The following ECE1 variants were observed in gnomAD, a reference collection of about 807,000 sequenced individuals.
The protein encoded by ECE1 is endothelin-converting enzyme 1.
Under a neutral mutation model 98.6 loss-of-function variants are expected in ECE1, and 35 were observed. The observed-to-expected ratio is 0.35, with a 90% CI of 0.27 to 0.47. The LOEUF is 0.47. ECE1 is among the 20% of genes least tolerant of loss of function. The probability of loss-of-function intolerance (pLI) is 1.00; values close to 1 mark genes in which losing one functional copy is unlikely to be tolerated. For missense variants in ECE1, 814 were observed against 1,025.3 expected (o/e 0.79, Z 2.81); for synonymous variants, 394 against 407.1 (o/e 0.97, Z 0.39).
intron 8 of ECE1, among the ~76,000 whole-genome samples, chr1:21,254,503 T>G (rs557463029): frequency 8.6e-5 from 13 of 151,784 alleles, no homozygotes; most frequent in African/African-American, 3.1e-4. Flanking sequence ...GCAGAAGCAG[T>G]GGTGATAGGA....
At chr1:21,253,018 G>A (rs995467213) in intron 8 of ECE1, among the ~76,000 whole-genome samples, 2 of 151,344 alleles carry the variant, frequency 1.3e-5, no homozygotes, top group African/African-American at 4.9e-5. Flanking sequence ...AGGCTTCAGG[G>A]GGCCAGGACT....
chr1:21,225,227 C>T lies in ECE1; in HGVS notation c.2040+23G>A, dbSNP rs748123086. 24 of 1,613,282 alleles carry T rather than the reference C, an allele frequency of 1.5e-5. No homozygotes were observed. Among genetic ancestry groups the T allele is most frequent in the South Asian group, 1.2e-4 (11 of 91,056 alleles). On this transcript the variant is annotated intron_variant, in intron 17 of 18. Transcript: ENST00000374893. This position sits in a 1 kb window ranked among gnomAD's most constrained non-coding sequence, Gnocchi z 5.3. ...AAGGAGCCAGCACTGGGACCGTGCG[C>T]GTGTGGGGAGCGGGGCTCTCACCCG...
intron 6 of ECE1, among the ~76,000 whole-genome samples, chr1:21,257,862 C>T (rs547408073): frequency 7.2e-5 from 11 of 152,342 alleles, no homozygotes; most frequent in African/African-American, 2.2e-4. Context: ...CTACTTGCCT[C>T]GGCAAAGTGC....
upstream of ECE1, among the ~76,000 whole-genome samples, chr1:21,293,038 A>C (rs182311229): frequency 1.5e-3 from 221 of 152,322 alleles, 2 homozygotes; most frequent in African/African-American, 4.5e-3. Flanking sequence ...AGTTCACAGA[A>C]CATCTCCCCG....
intron 1 of ECE1, among the ~76,000 whole-genome samples, chr1:21,333,895 T>C (rs887781938): frequency 6.6e-6 from 1 of 151,740 alleles, no homozygotes; most frequent in Non-Finnish European, 1.5e-5. Flanking sequence ...AAGGGCCAAC[T>C]CCGTGCACCG....
chr1:21,218,759 G>A lies in ECE1; in HGVS notation c.*1196C>T, dbSNP rs1045143121. The A allele has an allele frequency of 6.6e-6, 1 of 152,154 alleles. No individual in the cohort carries two copies. The highest frequency in any genetic ancestry group is 1.5e-5 in the Non-Finnish European group (1 of 68,028). The allele number at this position is 152,154 out of a possible 1,614,324, so 9.4% of individuals were successfully genotyped here. ...CCACCACCACTCCCGGCTAATTTTTGTAATTTTTTTTAGTAGAGATGGGGT... is the reference window on the plus strand; with the variant it reads ...CCACCACCACTCCCGGCTAATTTTTATAATTTTTTTTAGTAGAGATGGGGT... On this transcript the variant is annotated 3_prime_UTR_variant, in exon 19 of 19. Coordinates refer to ENST00000374893, the MANE Select transcript of ECE1 (RefSeq NM_001397.3). This position sits in a 1 kb window ranked among gnomAD's most constrained non-coding sequence, Gnocchi z 4.0.
At chr1:21,252,130 C>T (rs543627831) in intron 8 of ECE1, among the ~76,000 whole-genome samples, 1 of 152,354 alleles carries the variant, frequency 6.6e-6, no homozygotes, top group African/African-American at 2.4e-5. Flanking sequence ...ACTCTCTGAT[C>T]AAGGTACAGA....
chr1:21,273,338 CGTGTGTGCGTGTGTGTGTGTGT>C (rs1156464331), intron 3 of ECE1, among the ~76,000 whole-genome samples: 1 of 122,230 alleles, frequency 8.2e-6, no homozygotes. Context: ...TGTGCCCGTG[CGTGTGTGCGTGTGTGTGTGTGT>C]GTGTGTGTGT....
chr1:21,299,044 C>G, intron 1 of ECE1: 1 of 362,610 alleles, frequency 2.8e-6, no homozygotes, highest in East Asian at 7.4e-5. Flanking sequence ...TCTGAAGAGA[C>G]CAAGCGCTCT....
chr1:21,338,277 GT>G (rs1273086661), intron 1 of ECE1, among the ~76,000 whole-genome samples: 1 of 152,222 alleles, frequency 6.6e-6, no homozygotes, highest in East Asian at 1.9e-4. Context: ...CTTGGCTCCA[GT>G]TTCCAAGTGA....
At chr1:21,331,189 G>A (rs1639193107) in intron 1 of ECE1, among the ~76,000 whole-genome samples, 1 of 152,154 alleles carries the variant, frequency 6.6e-6, no homozygotes. Context: ...GATCACTTGA[G>A]GTCAGGAGAT....
chr1:21,221,660 G>T lies in ECE1; in HGVS notation c.2136+87C>A, dbSNP rs983086041. 7 of 1,372,708 alleles carry T rather than the reference G, an allele frequency of 5.1e-6. No homozygotes were observed. The African/African-American group carries it at 1.0e-4, about 20-fold the overall frequency. 85.0% of individuals were successfully genotyped at this position (1,372,708 alleles called of 1,614,324 possible). On this transcript the variant is annotated intron_variant, in intron 18 of 18. Coordinates refer to ENST00000374893, the MANE Select transcript of ECE1 (RefSeq NM_001397.3). ...TGACTTGGGAAGTTCTCAATCTGTG[G>T]GGAACTTGCCTTTCGGCTCTCTGGG...
At chr1:21,296,587 T>C (rs1339754885) in intron 1 of ECE1, among the ~76,000 whole-genome samples, 1 of 152,182 alleles carries the variant, frequency 6.6e-6, no homozygotes, top group South Asian at 2.1e-4. Context: ...GACCTTGACA[T>C]TGCCCAGTTC....
rs185780613 is a variant in ECE1, at chr1:21,275,163, C to T, written c.281-2252G>A. On this transcript the variant is annotated intron_variant, in intron 3 of 18. Transcript: ENST00000374893. ...AGACAGGCTGAGAGTGAGCCTAACG[C>T]GGGAAGACGCATCAGAATCTGTGTG... 1.6e-3 allele frequency among the ~76,000 whole-genome samples: 241 copies of T among 152,204 alleles called. 2 individuals are homozygous for T. The highest frequency in any genetic ancestry group is 5.4e-3 in the African/African-American group (226 of 41,526).
Position 21,344,911 on chromosome 1 carries a change from T to C in ECE1, c.3+465A>G, listed in dbSNP as rs138156945. On this transcript the variant is annotated intron_variant, in intron 1 of 18. Coordinates refer to the ECE1 transcript ENST00000415912. ...ATGCGCCGGGCGTGGCCACCCACAG[T>C]GCCCCAAGGCGAGCCCCAGACCGAC... is the stretch of plus-strand genomic sequence containing the variant. 6.2e-3 allele frequency: 958 copies of C among 153,360 alleles called. 17 individuals are homozygous for C. The highest frequency in any genetic ancestry group is 0.021 in the African/African-American group (883 of 41,600). The allele number at this position is 153,360 out of a possible 1,614,324, so 9.5% of individuals were successfully genotyped here. A position where few individuals can be genotyped will look rare whatever the true frequency, so the allele number is the denominator to read the frequency against.
chr1:21,227,041 G>T, intron 16 of ECE1, 118 bp downstream of exon 16: 1 of 978,148 alleles, frequency 1.0e-6, no homozygotes, highest in Admixed American at 1.9e-5. Context: ...TTTTTTAGTA[G>T]AGATGGAGGT....
chr1:21,279,235 C>T lies in ECE1; in HGVS notation c.236G>A (p.Gly79Glu). 6.2e-7 allele frequency: 1 copy of T among 1,614,214 alleles called. No homozygotes were observed. The highest frequency in any genetic ancestry group is 8.5e-7 in the Non-Finnish European group (1 of 1,180,036). Residue 79 changes from glycine to glutamate, a missense_variant, in exon 3 of 19, where the codon GGA becomes GAA. Transcript: ENST00000374893. ...CAGTGCTGCCAAGCAGGCCACCAGT[C>T]CTGCCGCCAGAAGTACCACCAACAC... Reference protein sequence around the residue: ...LVVLVVLLAAGLVACLAALGI... With the variant: ...LVVLVVLLAAELVACLAALGI...
chr1:21,339,671 G>A (rs1397472558), intron 1 of ECE1, among the ~76,000 whole-genome samples: 5 of 152,124 alleles, frequency 3.3e-5, no homozygotes, highest in South Asian at 2.1e-4. Flanking sequence ...TCATACAAGC[G>A]CTCTAGCGTC....
At chr1:21,280,745 G>A (rs1353107890) in intron 2 of ECE1, among the ~76,000 whole-genome samples, 1 of 152,172 alleles carries the variant, frequency 6.6e-6, no homozygotes, top group Non-Finnish European at 1.5e-5. Context: ...GGCACTCGGG[G>A]ATCTGAAGTG....
Sources: allele counts gnomAD v4.1 joint callset (sites outside exome capture counted in the v4.1 genomes callset), GRCh38; gene constraint gnomAD v4.1.1; non-coding constraint Gnocchi (gnomAD v3.1); transcripts MANE v1.5; gene names NCBI Gene and HGNC (gene_info 2026-07-23, HGNC 2026-07-21).